Variants in TMEM250 observed in about 807,000 individuals in gnomAD.
The protein encoded by TMEM250 is herpes virus UL25-binding protein.
A neutral mutation model predicts 7.0 loss-of-function variants in TMEM250; 7 were observed. The observed-to-expected ratio is 1.00, with a 90% CI of 0.57 to 1.87. The LOEUF (loss-of-function observed/expected upper bound fraction) is 1.87. TMEM250 is among the 40% of genes most tolerant of loss of function. TMEM250 has a pLI of 0.00. For missense variants in TMEM250, 196 were observed against 202.5 expected, an observed-to-expected ratio of 0.97 and a Z score of 0.19; for synonymous variants, 135 against 96.7, an observed-to-expected ratio of 1.40 and a Z score of -2.32.
chr9:136,118,311 G>A (rs866361522), intron 1 of TMEM250, 174 bp downstream of exon 1: 1 of 152,328 alleles, frequency 6.6e-6, no homozygotes, highest in East Asian at 1.9e-4. Flanking sequence ...CTGTTTCCTC[G>A]GGGCCGCAGA....
Position 136,116,082 on chromosome 9 carries a change from C to G in TMEM250, c.*399G>C, listed in dbSNP as rs1418045810. On this transcript the variant is annotated 3_prime_UTR_variant, in exon 2 of 2. Coordinates refer to ENST00000418388, the MANE Select transcript of TMEM250 (RefSeq NM_152833.3). ...GGGGCTGTGCAGCCAGGAGGGCCCC[C>G]CTCCGGAATTGCTCCTGGGCACACA... 5 of 417,094 alleles carry G rather than the reference C, an allele frequency of 1.2e-5. No individual in the cohort carries two copies. The highest frequency in any genetic ancestry group is 1.7e-5 in the Non-Finnish European group (4 of 237,304). The allele number at this position is 417,094 out of a possible 1,614,324, so 25.8% of individuals were successfully genotyped here. A position where few individuals can be genotyped will look rare whatever the true frequency, so the allele number is the denominator to read the frequency against.
chr9:136,116,686 G>A lies in TMEM250; in HGVS notation c.215C>T (p.Ala72Val), dbSNP rs778197885. The change falls in exon 2 of 2, where the codon GCG becomes GTG. Residue 72 changes from alanine (A) to valine (V), a missense_variant. Coordinates refer to ENST00000418388, the MANE Select transcript of TMEM250 (RefSeq NM_152833.3). The part of the protein sequence containing the change: ...CSLFTAALWG[A>V]LAALFCLQYL... Reference sequence around the variant, plus strand: ...CTGTAGGCAGAAGAGGGCGGCCAGCGCACCCCAGAGCGCCGCAGTGAACAG... The same window carrying A: ...CTGTAGGCAGAAGAGGGCGGCCAGCACACCCCAGAGCGCCGCAGTGAACAG... The A allele has an allele frequency of 6.8e-6, 11 of 1,612,288 alleles. No individual in the cohort carries two copies. Among genetic ancestry groups the A allele is most frequent in the South Asian group, 1.1e-5 (1 of 91,088 alleles).
chr9:136,116,896 G>C lies in TMEM250; in HGVS notation c.5C>G (p.Pro2Arg), dbSNP rs1305839794. ...CACCCGCCGCGGAATGGGCATGACCGGCATTGGGCCCCGGCGGCGGCGGCG... is the reference window on the plus strand; with the variant it reads ...CACCCGCCGCGGAATGGGCATGACCCGCATTGGGCCCCGGCGGCGGCGGCG... Reference protein sequence around the residue: MPVMPIPRRVRS... With the variant: MRVMPIPRRVRS... The change falls in exon 2 of 2, where the codon CCG becomes CGG. Residue 2 changes from proline to arginine, a missense_variant. Transcript: ENST00000418388. The C allele has an allele frequency of 6.5e-7, 1 of 1,546,616 alleles. No homozygotes were observed. Among genetic ancestry groups the C allele is most frequent in the Non-Finnish European group, 8.7e-7 (1 of 1,150,744 alleles).
At chr9:136,118,013 A>G (rs1230311678) in intron 1 of TMEM250, 3 of 152,248 alleles carry the variant, frequency 2.0e-5, no homozygotes, top group East Asian at 1.9e-4. Flanking sequence ...GGACCTGGCC[A>G]GGGCGGAGGA....
Position 136,116,109 on chromosome 9 carries a change from C to A in TMEM250, c.*372G>T. ...TCCGGAATTGCTCCTGGGCACACAG[C>A]CCTCTGTGTCCAGGGGCCTCCCAGG... On this transcript the variant is annotated 3_prime_UTR_variant, in exon 2 of 2. Coordinates refer to ENST00000418388, the MANE Select transcript of TMEM250 (RefSeq NM_152833.3). 2.3e-6 allele frequency: 1 copy of A among 428,484 alleles called. No homozygotes were observed. The allele number at this position is 428,484 out of a possible 1,614,324, so 26.5% of individuals were successfully genotyped here.
At chr9:136,117,700 G>T (rs979035314) in intron 1 of TMEM250, among the ~76,000 whole-genome samples, 3 of 152,224 alleles carry the variant, frequency 2.0e-5, no homozygotes, top group African/African-American at 7.2e-5. Flanking sequence ...TCCAATGGGG[G>T]TGCCAATAGC....
Position 136,117,003 on chromosome 9 carries a change from G to C in TMEM250, c.-103C>G. 1 of 1,353,428 alleles carries C rather than the reference G, an allele frequency of 7.4e-7. No homozygotes were observed. The highest frequency in any genetic ancestry group is 9.5e-7 in the Non-Finnish European group (1 of 1,057,072). 83.8% of individuals were successfully genotyped at this position (1,353,428 alleles called of 1,614,324 possible). On this transcript the variant is annotated 5_prime_UTR_variant, in exon 2 of 2. An upstream open reading frame in the 5' UTR gains an earlier in-frame stop. Transcript: ENST00000418388. ...CGCCTAGGCCTGGGAGCCCGCAGCT[G>C]ACCCTGGGGGGAGGCGTCGGCCTGC...
Position 136,116,685 on chromosome 9 carries a change from CGCACCCCAGA to C in TMEM250, c.206_215del (p.Leu69ArgfsTer40). 1 of 1,612,266 alleles carries C rather than the reference CGCACCCCAGA, an allele frequency of 6.2e-7. No homozygotes were observed. Among genetic ancestry groups the C allele is most frequent in the Non-Finnish European group, 8.5e-7 (1 of 1,179,740 alleles). ...ACTGTAGGCAGAAGAGGGCGGCCAG[CGCACCCCAGA>C]GCGCCGCAGTGAACAGGCTGCAGCT... is the stretch of plus-strand genomic sequence containing the variant. On this transcript the variant is annotated frameshift_variant, in exon 2 of 2. Transcript: ENST00000418388. LOFTEE classifies it high-confidence loss of function.
Position 136,116,207 on chromosome 9 carries a change from C to G in TMEM250, c.*274G>C. The G allele has an allele frequency of 1.8e-6, 1 of 567,346 alleles. No homozygotes were observed. Among genetic ancestry groups the G allele is most frequent in the Non-Finnish European group, 3.0e-6 (1 of 334,944 alleles). The allele number at this position is 567,346 out of a possible 1,614,324, so 35.1% of individuals were successfully genotyped here. On this transcript the variant is annotated 3_prime_UTR_variant, in exon 2 of 2. Coordinates refer to ENST00000418388, the MANE Select transcript of TMEM250 (RefSeq NM_152833.3). ...AGAGAGGCGGAACGGAGGGCCCACC[C>G]CGCAGTACGACCCGAAGACATGTGA...
In TMEM250 at chr9:136,118,525, G is replaced by C. The variant is rs1403891660; in HGVS notation, c.-165C>G. 1 of 151,580 alleles carries C rather than the reference G, an allele frequency of 6.6e-6. No individual in the cohort carries two copies. Among genetic ancestry groups the C allele is most frequent in the African/African-American group, 2.4e-5 (1 of 41,236 alleles). 9.4% of individuals were successfully genotyped at this position (151,580 alleles called of 1,614,324 possible). A position where few individuals can be genotyped will look rare whatever the true frequency, so the allele number is the denominator to read the frequency against. ...CGGCGGCGCCGGCGTCCCGGACCTC[G>C]GGGCCGGCCGGCGGTGCTAGGGGCC... On this transcript the variant is annotated 5_prime_UTR_variant, in exon 1 of 2. Coordinates refer to ENST00000418388, the MANE Select transcript of TMEM250 (RefSeq NM_152833.3).
chr9:136,117,156 C>G (rs1339919961), intron 1 of TMEM250, 132 bp from the exon 2 acceptor site: 2 of 500,154 alleles, frequency 4.0e-6, no homozygotes. Context: ...AGGGCGGGAT[C>G]TGCAGGCACT....
rs1340810179 is a variant in TMEM250 at position 136,115,069 on chromosome 9, G to A, written c.*1412C>T. 1 of 152,160 alleles carries A rather than the reference G, an allele frequency of 6.6e-6. No individual in the cohort carries two copies. The highest frequency in any genetic ancestry group is 1.5e-5 in the Non-Finnish European group (1 of 68,032). The allele number at this position is 152,160 out of a possible 1,614,324, so 9.4% of individuals were successfully genotyped here. Reference sequence around the variant, plus strand: ...CACACAACTGTCCTCATGGCTCCTGGGCCACTGGTCCGCCTGACAGGGTAG... The same window carrying A: ...CACACAACTGTCCTCATGGCTCCTGAGCCACTGGTCCGCCTGACAGGGTAG... On this transcript the variant is annotated 3_prime_UTR_variant, in exon 2 of 2. Transcript: ENST00000418388.
In TMEM250 at chr9:136,116,111, C is replaced by T. The variant is rs1830695411; in HGVS notation, c.*370G>A. 2.3e-6 allele frequency: 1 copy of T among 430,370 alleles called. No homozygotes were observed. Among genetic ancestry groups the T allele is most frequent in the African/African-American group, 2.0e-5 (1 of 49,110 alleles). 26.7% of individuals were successfully genotyped at this position (430,370 alleles called of 1,614,324 possible). On this transcript the variant is annotated 3_prime_UTR_variant, in exon 2 of 2. Coordinates refer to ENST00000418388, the MANE Select transcript of TMEM250 (RefSeq NM_152833.3). ...CGGAATTGCTCCTGGGCACACAGCC[C>T]TCTGTGTCCAGGGGCCTCCCAGGGT...
rs531407777 is a variant in TMEM250, at chr9:136,117,071, G to A, written c.-124-47C>T. 65 of 1,138,728 alleles carry A rather than the reference G, an allele frequency of 5.7e-5. No individual in the cohort carries two copies. The South Asian group carries it at 1.1e-3, about 19-fold the overall frequency. 70.5% of individuals were successfully genotyped at this position (1,138,728 alleles called of 1,614,324 possible). ...CCACGTCAGTATGAGGACACCATGC[G>A]GATCCCTCCCCAGGCAATCAGCTGG... is the stretch of plus-strand genomic sequence containing the variant. On this transcript the variant is annotated intron_variant, in intron 1 of 1. Coordinates refer to ENST00000418388, the MANE Select transcript of TMEM250 (RefSeq NM_152833.3).
Position 136,116,804 on chromosome 9 carries a change from G to A in TMEM250, c.97C>T (p.Leu33=), listed in dbSNP as rs369409953. ...AAGTTGTTGTACTTGGTGCGGGCCA[G>A]GTGGGAGGCGCGCACGGGCCCGCAG... The part of the protein sequence containing the change: ...AACGPVRASH[L]ARTKYNNFDV... The change falls in exon 2 of 2, where the codon CTG becomes TTG. Residue 33 remains leucine (L), a synonymous_variant. Coordinates refer to ENST00000418388, the MANE Select transcript of TMEM250 (RefSeq NM_152833.3). The A allele has an allele frequency of 1.5e-4, 244 of 1,611,824 alleles. 2 individuals are homozygous for A. The African/African-American group carries it at 2.7e-3, about 18-fold the overall frequency.
At position 136,116,504 on chromosome 9, in the gene TMEM250, A is replaced by C; in HGVS notation, c.397T>G (p.Phe133Val). The C allele has an allele frequency of 6.4e-7, 1 of 1,563,342 alleles. No individual in the cohort carries two copies. Among genetic ancestry groups the C allele is most frequent in the African/African-American group, 1.3e-5 (1 of 74,276 alleles). Residue 133 changes from phenylalanine (F) to valine (V), a missense_variant, in exon 2 of 2, where the codon TTC (phenylalanine) becomes GTC (valine). Transcript: ENST00000418388. ...MLLVGGLGWC[F>V]MVFVDM ...CCTCACATGTCCACGAAGACCATGA[A>C]GCACCAGCCCAGGCCCCCGACCAGC...
At chr9:136,118,103 G>C (rs1350352660) in intron 1 of TMEM250, 1 of 152,252 alleles carries the variant, frequency 6.6e-6, no homozygotes, top group African/African-American at 2.4e-5. Context: ...GCTCCTCCAC[G>C]GGGTGCAGGG....
In TMEM250 at chr9:136,116,859, G is replaced by GT; in HGVS notation, c.41dup (p.His14GlnfsTer48). ...CATGCAGGCAGGTGGTGTGCGGGCC[G>GT]TGGAAGGAGCGCACCCGCCGCGGAA... On this transcript the variant is annotated frameshift_variant, in exon 2 of 2. Coordinates refer to ENST00000418388, the MANE Select transcript of TMEM250 (RefSeq NM_152833.3). LOFTEE classifies it high-confidence loss of function. 6.3e-7 allele frequency: 1 copy of GT among 1,583,332 alleles called. No homozygotes were observed. Among genetic ancestry groups the GT allele is most frequent in the Middle Eastern group, 1.7e-4 (1 of 5,978 alleles).
chr9:136,118,156 G>C (rs1355550508), intron 1 of TMEM250: 1 of 152,274 alleles, frequency 6.6e-6, no homozygotes, highest in African/African-American at 2.4e-5. Flanking sequence ...CCTGGAGCTC[G>C]CCCCGGCCGG....
Sources: gnomAD v4.1 joint callset for allele counts (sites outside exome capture counted in the v4.1 genomes callset) on GRCh38, gnomAD v4.1.1 for gene constraint, MANE v1.5 for transcripts, NCBI Gene and HGNC (gene_info 2026-07-23, HGNC 2026-07-21) for gene names.